FOCAD: variants seen among roughly 807,000 people sequenced by gnomAD.
FOCAD encodes the protein focadhesin.
In FOCAD, 198 loss-of-function variants were observed where a neutral mutation model predicts 225.6. The observed-to-expected ratio is 0.88, with a 90% confidence interval of 0.78 to 0.99. The LOEUF (loss-of-function observed/expected upper bound fraction) is 0.99, where lower values mean the gene tolerates loss of function less well. FOCAD is among the 50% of genes least tolerant of loss of function. FOCAD has a pLI of 0.00. For missense variants in FOCAD, 2,713 were observed against 2,123.6 expected (o/e 1.28, Z -5.46); for synonymous variants, 897 against 755.0 (o/e 1.19, Z -3.08).
At chr9:20,916,387 T>C (rs556957335) in intron 23 of FOCAD, among the ~76,000 whole-genome samples, 2 of 152,304 alleles carry the variant, frequency 1.3e-5, no homozygotes, top group East Asian at 3.9e-4. Context: ...AAATTGCATT[T>C]TCTATAAACA....
intron 10 of FOCAD, 162 bp from the exon 11 acceptor site, chr9:20,789,189 T>C: frequency 1.4e-6 from 1 of 726,338 alleles, no homozygotes; most frequent in Non-Finnish European, 2.2e-6. Flanking sequence ...GTAATCCTAT[T>C]ACCTCAAATA....
At chr9:20,747,739 T>G (rs1828172882) in intron 5 of FOCAD, among the ~76,000 whole-genome samples, 1 of 152,030 alleles carries the variant, frequency 6.6e-6, no homozygotes, top group South Asian at 2.1e-4. Context: ...CATCCATACT[T>G]CATTCCTTTT....
intron 28 of FOCAD, among the ~76,000 whole-genome samples, chr9:20,938,543 C>G (rs991186664): frequency 4.0e-5 from 6 of 149,458 alleles, no homozygotes; most frequent in Admixed American, 6.7e-5. Flanking sequence ...AACACATGGA[C>G]ACAGGAAGCG....
At position 20,785,619 on chromosome 9, in the gene FOCAD, T is replaced by C. The variant is rs542111319; in HGVS notation, c.1197+3690T>C. Among the ~76,000 whole-genome samples the C allele has an allele frequency of 3.3e-5, 5 of 152,330 alleles. No individual in the cohort carries two copies. In the South Asian group the frequency reaches 1.0e-3, roughly 32 times the overall value. Reference sequence around the variant, plus strand: ...ATTTTCTCTTAGAGCTGACTAATATTCCATTGTATGGATACCTTACATTTT... The same window carrying C: ...ATTTTCTCTTAGAGCTGACTAATATCCCATTGTATGGATACCTTACATTTT... On this transcript the variant is annotated intron_variant, in intron 10 of 43. Coordinates refer to ENST00000338382, the MANE Select transcript of FOCAD (RefSeq NM_001375567.1).
intron 21 of FOCAD, 87 bp from the exon 22 acceptor site, chr9:20,907,063 G>A (rs1833039451): frequency 1.9e-6 from 2 of 1,046,538 alleles, no homozygotes; most frequent in Non-Finnish European, 2.9e-6. Flanking sequence ...ACCACTTAAG[G>A]AAAAGAAAGA....
chr9:20,822,794 C>T (rs147641898), intron 14 of FOCAD, among the ~76,000 whole-genome samples, 195 bp from the exon 15 acceptor site: 26 of 146,776 alleles, frequency 1.8e-4, no homozygotes, highest in Non-Finnish European at 2.9e-4. Context: ...TATATAAAAA[C>T]GAGCATAAAA....
In FOCAD at chr9:20,982,486, C is replaced by T. The variant is rs779877741; in HGVS notation, c.4728+40C>T. The T allele has an allele frequency of 3.3e-6, 5 of 1,499,780 alleles. No individual in the cohort carries two copies. The African/African-American group carries it at 5.5e-5, about 17-fold the overall frequency. 92.9% of individuals were successfully genotyped at this position (1,499,780 alleles called of 1,614,324 possible). On this transcript the variant is annotated intron_variant, in intron 39 of 43. Transcript: ENST00000338382. ...TTCTATACCTTTTTTCATTATTGAG[C>T]CAGAAATTACGATTGAATAATTGAT...
In FOCAD at chr9:20,981,508, A is replaced by G. The variant is rs767837040; in HGVS notation, c.4460A>G (p.Glu1487Gly). ...GATGAACAGATCCTGGGTTTTGTTG[A>G]AAATTTAATGGTGGCAGTTTTTAAA... ...ISDEQILGFV[E>G]NLMVAVFKAA... is the part of the protein sequence containing the mutation. The change falls in exon 38 of 44, where the codon GAA becomes GGA. Residue 1487 changes from glutamate (E) to glycine (G), a missense_variant. Physicochemically the swap from Glu to Gly is moderately conservative, Grantham distance 98. Transcript: ENST00000338382. 6.2e-7 allele frequency: 1 copy of G among 1,614,146 alleles called. No homozygotes were observed. The highest frequency in any genetic ancestry group is 8.5e-7 in the Non-Finnish European group (1 of 1,180,000).
In FOCAD at chr9:20,770,038, G is replaced by T. The variant is rs1029750963; in HGVS notation, c.706G>T (p.Asp236Tyr). ...TAATGACTTTTTTAAACAGGTAAAA[G>T]ATTTGATACAGACAACAGAGGCGAT... ...CDIVPCLQVK[D>Y]LIQTTEAMMF... Residue 236 changes from aspartate to tyrosine, a missense_variant, in exon 8 of 44, where the codon GAT becomes TAT. Physicochemically the swap from Asp to Tyr is radical, Grantham distance 160. Transcript: ENST00000338382. The T allele has an allele frequency of 4.3e-6, 7 of 1,613,596 alleles. No homozygotes were observed.
At chr9:20,782,409 C>G (rs964101884) in intron 10 of FOCAD, among the ~76,000 whole-genome samples, 21 of 152,258 alleles carry the variant, frequency 1.4e-4, no homozygotes, top group Middle Eastern at 3.4e-3. Flanking sequence ...TAATGGCTCT[C>G]GATGTCCCCT....
chr9:20,862,643 C>T lies in FOCAD; in HGVS notation c.1986C>T (p.Leu662=). 6.2e-7 allele frequency: 1 copy of T among 1,613,666 alleles called. No individual in the cohort carries two copies. The highest frequency in any genetic ancestry group is 8.5e-7 in the Non-Finnish European group (1 of 1,179,706). ...SPKLSCDTRP[L]ILKTLSELFS... is the part of the protein sequence containing the mutation. ...AGCTGAGTTGTGACACAAGACCTCT[C>T]ATTCTGAAGACACTGAGTGAACTAT... The change falls in exon 16 of 44, where the codon CTC becomes CTT. Residue 662 remains leucine, a synonymous_variant. Transcript: ENST00000338382.
At chr9:20,838,056 C>T (rs191380433) in intron 15 of FOCAD, among the ~76,000 whole-genome samples, 1 of 152,260 alleles carries the variant, frequency 6.6e-6, no homozygotes, top group Admixed American at 6.5e-5. Context: ...CACTAGCATG[C>T]ATATAAGCCC....
intron 15 of FOCAD, among the ~76,000 whole-genome samples, chr9:20,846,274 G>T (rs1454577604): frequency 6.6e-6 from 1 of 152,048 alleles, no homozygotes; most frequent in Non-Finnish European, 1.5e-5. Flanking sequence ...GCCCAGTTTT[G>T]CCTTTTTCAC....
intron 16 of FOCAD, chr9:20,863,174 A>G (rs1828929616): frequency 6.6e-6 from 1 of 151,702 alleles, no homozygotes; most frequent in South Asian, 2.1e-4. Context: ...ACTGCTTAAT[A>G]TTTTCTTAAT....
chr9:20,983,172 ATCTAGGCCT>A (rs1840854610), intron 39 of FOCAD, among the ~76,000 whole-genome samples: 1 of 152,194 alleles, frequency 6.6e-6, no homozygotes, highest in African/African-American at 2.4e-5. Flanking sequence ...TTGAGCCCCC[ATCTAGGCCT>A]ACTGAATCAG....
intron 11 of FOCAD, among the ~76,000 whole-genome samples, chr9:20,791,743 C>G (rs1184694908): frequency 6.6e-6 from 1 of 152,126 alleles, no homozygotes; most frequent in Non-Finnish European, 1.5e-5. Context: ...ACTTGGCCAT[C>G]CTGGGTAGAA....
Position 20,929,387 on chromosome 9 carries a change from T to C in FOCAD, c.3108T>C (p.Ser1036=). ...YKSYSGENTA[S]AIARSAAATA... ...CCTATTCTGGTGAAAACACAGCTAG[T>C]GCCATTGCCCGTTCTGCTGCCGCCA... The change falls in exon 27 of 44, where the codon AGT becomes AGC. Residue 1036 remains serine (S), a synonymous_variant. Transcript: ENST00000338382. 1.9e-6 allele frequency: 3 copies of C among 1,614,144 alleles called. No individual in the cohort carries two copies. The highest frequency in any genetic ancestry group is 1.1e-5 in the South Asian group (1 of 91,088).
In FOCAD at chr9:20,976,517, A is replaced by G. The variant is rs752018655; in HGVS notation, c.4230A>G (p.Ala1410=). 3 of 1,613,276 alleles carry G rather than the reference A, an allele frequency of 1.9e-6. No homozygotes were observed. Among genetic ancestry groups the G allele is most frequent in the South Asian group, 2.2e-5 (2 of 91,072 alleles). ...AATATCCTCCTGTGAACTGGGCTGC[A>G]CTTCTCTCTCCACTTATGAGGCTAA... ...SYQYPPVNWA[A]LLSPLMRLNF... Residue 1410 remains alanine (A), a synonymous_variant, in exon 36 of 44, where the codon GCA becomes GCG. Coordinates refer to ENST00000338382, the MANE Select transcript of FOCAD (RefSeq NM_001375567.1).
intron 41 of FOCAD, among the ~76,000 whole-genome samples, chr9:20,988,935 T>C (rs1841421342): frequency 1.3e-5 from 2 of 152,162 alleles, no homozygotes; most frequent in Non-Finnish European, 2.9e-5. Flanking sequence ...CATGTGTGCA[T>C]ATATGGAGGG....
Sources: gnomAD v4.1 joint callset for allele counts (sites outside exome capture counted in the v4.1 genomes callset) on GRCh38, gnomAD v4.1.1 for gene constraint, MANE v1.5 for transcripts, NCBI Gene and HGNC (gene_info 2026-07-23, HGNC 2026-07-21) for gene names.